RBM14: variants seen among roughly 807,000 people sequenced by gnomAD.
RBM14 encodes the protein RNA-binding protein 14.
Under a neutral mutation model 52.8 loss-of-function variants are expected in RBM14, and 5 were observed. That is an observed-to-expected ratio of 0.09 (90% CI 0.05 to 0.20). The LOEUF (loss-of-function observed/expected upper bound fraction) is 0.20, where lower values mean the gene tolerates loss of function less well. RBM14 is among the 10% of genes least tolerant of loss of function. The pLI is 1.00. For missense variants in RBM14, 780 were observed against 926.6 expected, an observed-to-expected ratio of 0.84 and a Z score of 2.05; for synonymous variants, 411 against 401.8, an observed-to-expected ratio of 1.02 and a Z score of -0.28.
chr11:66,629,211 A>G lies in RBM14; in HGVS notation c.*2543A>G, dbSNP rs994004571. On this transcript the variant is annotated 3_prime_UTR_variant, in exon 3 of 3. Transcript: ENST00000310137. ...AGTTAGGTTGAGTGAATGGGAGGAC[A>G]GACACTGAATGTGTGTTTTGGAAAA... Among the ~76,000 whole-genome samples, 4 of 152,204 alleles carry G rather than the reference A, an allele frequency of 2.6e-5. No homozygotes were observed. Among genetic ancestry groups the G allele is most frequent in the African/African-American group, 9.6e-5 (4 of 41,458 alleles).
At chr11:66,618,244 A>G (rs1043371954) in intron 1 of RBM14, among the ~76,000 whole-genome samples, 8 of 152,152 alleles carry the variant, frequency 5.3e-5, no homozygotes, top group Non-Finnish European at 2.9e-5. Flanking sequence ...GCCTGGGAGT[A>G]TCTGATGCCC....
rs1733565222 is a variant in RBM14, at chr11:66,616,642, G to T, written c.-79G>T. 1 of 1,478,506 alleles carries T rather than the reference G, an allele frequency of 6.8e-7. No individual in the cohort carries two copies. Among genetic ancestry groups the T allele is most frequent in the South Asian group, 1.4e-5 (1 of 73,266 alleles). 91.6% of individuals were successfully genotyped at this position (1,478,506 alleles called of 1,614,324 possible). A position where few individuals can be genotyped will look rare whatever the true frequency, so the allele number is the denominator to read the frequency against. On this transcript the variant is annotated 5_prime_UTR_variant, in exon 1 of 3. Coordinates refer to ENST00000310137, the MANE Select transcript of RBM14 (RefSeq NM_006328.4). ...TCGGTCGCCAGCCATTCCTGAGGAG[G>T]ACTGCCGGTCGTTCGGACGTCTTGC...
In RBM14 at chr11:66,621,188, G is replaced by C. The variant is rs1859092738; in HGVS notation, c.338-3026G>C. 5.3e-5 allele frequency among the ~76,000 whole-genome samples: 8 copies of C among 151,446 alleles called. No individual in the cohort carries two copies. In the South Asian group the frequency reaches 1.7e-3, roughly 32 times the overall value. ...TCCTGGCCCAGCCTCTGCTTTTAAA[G>C]GGCTCTTAGGCCACATGCTGGTTTT... On this transcript the variant is annotated intron_variant, in intron 1 of 2. Transcript: ENST00000310137.
rs1937918300 is a variant in RBM14, at chr11:66,628,511, A to G, written c.*1843A>G. 8.5e-6 allele frequency among the ~76,000 whole-genome samples: 1 copy of G among 117,334 alleles called. No individual in the cohort carries two copies. Among genetic ancestry groups the G allele is most frequent in the African/African-American group, 2.6e-5 (1 of 39,144 alleles). The allele number at this position is 117,334 out of a possible 152,430, so 77.0% of individuals were successfully genotyped here. A position where few individuals can be genotyped will look rare whatever the true frequency, so the allele number is the denominator to read the frequency against. ...TATGACCGTGAGTTCTTATTTGTGG[A>G]TGCTAACTGGGGTAATCTCAGGGAG... On this transcript the variant is annotated 3_prime_UTR_variant, in exon 3 of 3. Transcript: ENST00000310137.
chr11:66,624,019 A>C lies in RBM14; in HGVS notation c.338-195A>C, dbSNP rs1169444981. 1.2e-5 allele frequency: 11 copies of C among 950,074 alleles called. No individual in the cohort carries two copies. Among genetic ancestry groups the C allele is most frequent in the Non-Finnish European group, 1.7e-6 (1 of 598,152 alleles). The allele number at this position is 950,074 out of a possible 1,614,324, so 58.9% of individuals were successfully genotyped here. A position where few individuals can be genotyped will look rare whatever the true frequency, so the allele number is the denominator to read the frequency against. On this transcript the variant is annotated intron_variant, in intron 1 of 2. Coordinates refer to ENST00000310137, the MANE Select transcript of RBM14 (RefSeq NM_006328.4). The surrounding 1 kb of genome is among the most constrained non-coding windows in gnomAD (Gnocchi z 4.7). ...GAGAATGGGAAGAAGGCTGTAGGCA[A>C]AGATGACTGCTTGGGACAGTCAGAA...
chr11:66,617,611 T>G (rs757153645), intron 1 of RBM14: 1 of 962,970 alleles, frequency 1.0e-6, no homozygotes. Flanking sequence ...GGCATGGGTC[T>G]ACTCATGGGC....
rs1029167746 is a variant in RBM14 at position 66,624,791 on chromosome 11, T to C, written c.915T>C (p.Tyr305=). The C allele has an allele frequency of 5.6e-6, 9 of 1,613,964 alleles. No individual in the cohort carries two copies. Among genetic ancestry groups the C allele is most frequent in the Middle Eastern group, 1.6e-4 (1 of 6,084 alleles). Residue 305 remains tyrosine (Y), a synonymous_variant, in exon 2 of 3, where the codon TAT becomes TAC. Transcript: ENST00000310137. The surrounding 1 kb of genome is among the most constrained non-coding windows in gnomAD (Gnocchi z 4.7). ...QSAAASSLGP[Y]GGAQPSASAL... ...CTGCAGCTTCTTCACTCGGCCCATA[T>C]GGTGGAGCCCAGCCCTCAGCCTCGG...
chr11:66,626,703 G>A lies in RBM14; in HGVS notation c.*35G>A, dbSNP rs1181731037. On this transcript the variant is annotated 3_prime_UTR_variant, in exon 3 of 3. Transcript: ENST00000310137. Reference sequence around the variant, plus strand: ...GGGATGGGGCACCACAGGGAGGGAGGGAGAAAAGAGGTGGGTAGGGTTACA... The same window carrying A: ...GGGATGGGGCACCACAGGGAGGGAGAGAGAAAAGAGGTGGGTAGGGTTACA... 2.0e-6 allele frequency: 3 copies of A among 1,534,938 alleles called. No individual in the cohort carries two copies. The highest frequency in any genetic ancestry group is 1.2e-5 in the South Asian group (1 of 86,382).
chr11:66,625,789 CTATTTT>C lies in RBM14; in HGVS notation c.1802+113_1802+118del, dbSNP rs1590848382. On this transcript the variant is annotated intron_variant, in intron 2 of 2. Transcript: ENST00000310137. This position sits in a 1 kb window ranked among gnomAD's most constrained non-coding sequence, Gnocchi z 4.2. The stretch of plus-strand genomic sequence containing the variant: ...GGCCCCTCCCTCGGTCTTCTCTTCT[CTATTTT>C]TGTGGGATGTCCAGAGGCCGAGGGG... 19 of 839,446 alleles carry C rather than the reference CTATTTT, an allele frequency of 2.3e-5. No individual in the cohort carries two copies. In the East Asian group the frequency reaches 5.1e-4, roughly 22 times the overall value. 52.0% of individuals were successfully genotyped at this position (839,446 alleles called of 1,614,324 possible). A position where few individuals can be genotyped will look rare whatever the true frequency, so the allele number is the denominator to read the frequency against.
chr11:66,617,094 C>T (rs755241174), intron 1 of RBM14, 37 bp downstream of exon 1: 11 of 1,546,430 alleles, frequency 7.1e-6, no homozygotes, highest in Admixed American at 1.9e-5. Context: ...GGGGCGCGCT[C>T]GGGGCACTCT....
At position 66,625,079 on chromosome 11, in the gene RBM14, A is replaced by C; in HGVS notation, c.1203A>C (p.Ser401=). 1 of 1,613,340 alleles carries C rather than the reference A, an allele frequency of 6.2e-7. No individual in the cohort carries two copies. The highest frequency in any genetic ancestry group is 1.1e-5 in the South Asian group (1 of 91,070). The change falls in exon 2 of 3, where the codon TCA becomes TCC. Residue 401 remains serine, a synonymous_variant. Coordinates refer to ENST00000310137, the MANE Select transcript of RBM14 (RefSeq NM_006328.4). This position sits in a 1 kb window ranked among gnomAD's most constrained non-coding sequence, Gnocchi z 4.2. Reference sequence around the variant, plus strand: ...TAGCTTATGGAGCCCAGGCAGCTTCATATAATGCCCAGCCCTCGGCCTCTT... The same window carrying C: ...TAGCTTATGGAGCCCAGGCAGCTTCCTATAATGCCCAGCCCTCGGCCTCTT... ...SSLAYGAQAA[S]YNAQPSASYN...
rs962596066 is a variant in RBM14, at chr11:66,628,562, G to C, written c.*1894G>C. On this transcript the variant is annotated 3_prime_UTR_variant, in exon 3 of 3. Coordinates refer to ENST00000310137, the MANE Select transcript of RBM14 (RefSeq NM_006328.4). ...TACTGGGGCCATGGCTCTTTCCCTT[G>C]CTTCTCTTTCTGCTCACTGCTTTGC... 1.3e-5 allele frequency among the ~76,000 whole-genome samples: 2 copies of C among 152,092 alleles called. No homozygotes were observed. The highest frequency in any genetic ancestry group is 4.8e-5 in the African/African-American group (2 of 41,420).
Position 66,625,223 on chromosome 11 carries a change from C to T in RBM14, c.1347C>T (p.Tyr449=), listed in dbSNP as rs769443610. The change falls in exon 2 of 3, where the codon TAC becomes TAT. Residue 449 remains tyrosine, a synonymous_variant. Transcript: ENST00000310137. This position sits in a 1 kb window ranked among gnomAD's most constrained non-coding sequence, Gnocchi z 4.2. The part of the protein sequence containing the change: ...AAAYASQPAA[Y]AAQATTPMAG... ...CCTATGCCAGCCAGCCAGCAGCCTA[C>T]GCCGCACAAGCCACTACCCCAATGG... 1.7e-5 allele frequency: 28 copies of T among 1,611,258 alleles called. No individual in the cohort carries two copies. Among genetic ancestry groups the T allele is most frequent in the Middle Eastern group, 3.3e-4 (2 of 6,084 alleles).
chr11:66,616,806 T>C lies in RBM14; in HGVS notation c.86T>C (p.Met29Thr). 2 of 1,612,628 alleles carry C rather than the reference T, an allele frequency of 1.2e-6. No homozygotes were observed. Among genetic ancestry groups the C allele is most frequent in the Non-Finnish European group, 1.7e-6 (2 of 1,179,698 alleles). The change falls in exon 1 of 3, where the codon ATG becomes ACG. Residue 29 changes from methionine to threonine, a missense_variant. Around this residue, in one of 4 missense-constraint regions of RBM14, gnomAD observed 71 missense variants for 119.2 expected, o/e 0.60. Transcript: ENST00000310137. The part of the protein sequence containing the change: ...AALFAPYGTV[M>T]SCAVMKQFAF... The stretch of plus-strand genomic sequence containing the variant: ...CTCTTTGCGCCCTACGGCACGGTCA[T>C]GAGCTGCGCCGTCATGAAACAGTTC...
Position 66,616,687 on chromosome 11 carries a change from C to A in RBM14, c.-34C>A. ...TCTTGCCTGTCGCTGGAGGAGAGGTCCGGGCTCTCCAGGAAGGTGGCTGCG... is the reference window on the plus strand; with the variant it reads ...TCTTGCCTGTCGCTGGAGGAGAGGTACGGGCTCTCCAGGAAGGTGGCTGCG... On this transcript the variant is annotated 5_prime_UTR_variant, in exon 1 of 3. Coordinates refer to ENST00000310137, the MANE Select transcript of RBM14 (RefSeq NM_006328.4). The A allele has an allele frequency of 6.4e-7, 1 of 1,560,332 alleles. No individual in the cohort carries two copies. The highest frequency in any genetic ancestry group is 2.3e-5 in the East Asian group (1 of 44,024).
At chr11:66,620,520 T>C (rs1255063969) in intron 1 of RBM14, among the ~76,000 whole-genome samples, 3 of 152,194 alleles carry the variant, frequency 2.0e-5, no homozygotes, top group Non-Finnish European at 4.4e-5. Flanking sequence ...CAGGCTGGTC[T>C]TGAACTCCTG....
At chr11:66,622,217 G>GT (rs1202654992) in intron 1 of RBM14, among the ~76,000 whole-genome samples, 3 of 150,532 alleles carry the variant, frequency 2.0e-5, no homozygotes, top group Non-Finnish European at 4.4e-5. Context: ...TGCTTGGCTA[G>GT]TTTCTTTTCT....
chr11:66,622,648 A>G (rs986714712), intron 1 of RBM14, among the ~76,000 whole-genome samples: 10 of 152,082 alleles, frequency 6.6e-5, no homozygotes, highest in Non-Finnish European at 1.0e-4. Flanking sequence ...CTACTTATTG[A>G]TTGCATTTTT....
rs1937941437 is a variant in RBM14 at position 66,629,103 on chromosome 11, T to G, written c.*2435T>G. On this transcript the variant is annotated 3_prime_UTR_variant, in exon 3 of 3. Transcript: ENST00000310137. ...TTAAAATCTCCCTCCCCTCTTTTATTTTAATTATGCCACCTGTGTTAATCC... is the reference window on the plus strand; with the variant it reads ...TTAAAATCTCCCTCCCCTCTTTTATGTTAATTATGCCACCTGTGTTAATCC... Among the ~76,000 whole-genome samples the G allele has an allele frequency of 6.6e-6, 1 of 152,242 alleles. No homozygotes were observed. Among genetic ancestry groups the G allele is most frequent in the Non-Finnish European group, 1.5e-5 (1 of 68,040 alleles).
Sources: gnomAD v4.1 joint callset for allele counts (sites outside exome capture counted in the v4.1 genomes callset) on GRCh38, gnomAD v4.1.1 for gene constraint, gnomAD v4.1.1 regional missense constraint, Gnocchi (gnomAD v3.1) non-coding constraint, MANE v1.5 for transcripts, NCBI Gene and HGNC (gene_info 2026-07-23, HGNC 2026-07-21) for gene names.